The following FANCE variants were observed in gnomAD, a reference collection of about 807,000 sequenced individuals.
The protein encoded by FANCE is Fanconi anemia group E protein.
In FANCE, 42 loss-of-function variants were observed where a neutral mutation model predicts 57.8. That is an observed-to-expected ratio of 0.73 (90% confidence interval 0.57 to 0.94). The LOEUF is 0.94. FANCE is among the 40% of genes least tolerant of loss of function. The pLI is 0.00. For missense variants in FANCE, 608 were observed against 661.8 expected (o/e 0.92, Z 0.89); for synonymous variants, 251 against 286.4 (o/e 0.88, Z 1.25).
In FANCE at chr6:35,455,825, GC is replaced by G. The variant is rs779244938; in HGVS notation, c.329del (p.Pro110ArgfsTer16). ...TGCTGATGGCCGTTCGGCCATCGCT[GC>G]CGGAAAGTGGGCTCCTCTCTGTGCT... is the stretch of plus-strand genomic sequence containing the variant. ...SLLMAVRPSL[P>X]ESGLLSVLQI... On this transcript the variant is annotated frameshift_variant, in exon 2 of 10. Transcript: ENST00000229769. LOFTEE classifies it high-confidence loss of function. The G allele has an allele frequency of 6.2e-7, 1 of 1,614,176 alleles. No homozygotes were observed. Among genetic ancestry groups the G allele is most frequent in the South Asian group, 1.1e-5 (1 of 91,090 alleles).
In FANCE at chr6:35,457,943, C is replaced by G. The variant is rs372788363; in HGVS notation, c.928C>G (p.Pro310Ala). ...GTTAGAGGGATTGGAGGATGCCCCC[C>G]CAGTTGAGCTACAGCTTCTTCACGA... ...EGLEGLEDAP[P>A]VELQLLHECS... Residue 310 changes from proline to alanine, a missense_variant, in exon 4 of 10, where the codon CCA (proline) becomes GCA (alanine). Transcript: ENST00000229769. The G allele has an allele frequency of 2.5e-5, 40 of 1,614,040 alleles. No homozygotes were observed. The highest frequency in any genetic ancestry group is 1.6e-4 in the Middle Eastern group (1 of 6,082).
Position 35,452,427 on chromosome 6 carries a change from C to T in FANCE, c.-119C>T. ...AACGCCGAGGAGAGCTTGTAACAGG[C>T]GCTGGAGCTGGCCCGCCACCGCCGC... On this transcript the variant is annotated 5_prime_UTR_variant, in exon 1 of 10. Coordinates refer to ENST00000229769, the MANE Select transcript of FANCE (RefSeq NM_021922.3). 1 of 1,053,458 alleles carries T rather than the reference C, an allele frequency of 9.5e-7. No homozygotes were observed. The highest frequency in any genetic ancestry group is 4.9e-5 in the South Asian group (1 of 20,498). The allele number at this position is 1,053,458 out of a possible 1,614,324, so 65.3% of individuals were successfully genotyped here.
At chr6:35,453,369 G>C (rs899564373) in intron 1 of FANCE, among the ~76,000 whole-genome samples, 1 of 151,792 alleles carries the variant, frequency 6.6e-6, no homozygotes, top group Non-Finnish European at 1.5e-5. Context: ...CAGAGGTGTC[G>C]GCCCTGCCAT....
At chr6:35,462,396 C>G (rs187738958) in intron 8 of FANCE, among the ~76,000 whole-genome samples, 2 of 152,250 alleles carry the variant, frequency 1.3e-5, no homozygotes, top group Admixed American at 1.3e-4. Context: ...CATGAGCCAC[C>G]GTGCCTAGCA....
Position 35,456,048 on chromosome 6 carries a change from C to G in FANCE, c.550C>G (p.Pro184Ala). The change falls in exon 2 of 10, where the codon CCA becomes GCA. Residue 184 changes from proline to alanine, a missense_variant. Coordinates refer to ENST00000229769, the MANE Select transcript of FANCE (RefSeq NM_021922.3). This position sits in a 1 kb window ranked among gnomAD's most constrained non-coding sequence, Gnocchi z 4.3. ...CAGGAGGTTGAAATCCCCCCAGGCTCCAGACCCTGAAGAAGAGGAGAACAG... is the reference window on the plus strand; with the variant it reads ...CAGGAGGTTGAAATCCCCCCAGGCTGCAGACCCTGAAGAAGAGGAGAACAG... ...GGRRLKSPQA[P>A]DPEEEENRDS... 1 of 1,613,184 alleles carries G rather than the reference C, an allele frequency of 6.2e-7. No homozygotes were observed. Among genetic ancestry groups the G allele is most frequent in the South Asian group, 1.1e-5 (1 of 91,064 alleles).
rs200018110 is a variant in FANCE at position 35,466,559 on chromosome 6, TTC to T, written c.*216_*217del. 3 of 561,944 alleles carry T rather than the reference TTC, an allele frequency of 5.3e-6. No individual in the cohort carries two copies. Among genetic ancestry groups the T allele is most frequent in the Admixed American group, 3.1e-5 (1 of 32,648 alleles). 34.8% of individuals were successfully genotyped at this position (561,944 alleles called of 1,614,324 possible). Reference sequence around the variant, plus strand: ...TGGGCTAAGGGAGCTCAGCTATATTTTCTTTTTCATTTCTTTTGTTTTTGAGA... The same window carrying T: ...TGGGCTAAGGGAGCTCAGCTATATTTTTTTTCATTTCTTTTGTTTTTGAGA... On this transcript the variant is annotated 3_prime_UTR_variant, in exon 10 of 10. Transcript: ENST00000229769.
intron 7 of FANCE, among the ~76,000 whole-genome samples, chr6:35,460,144 C>T (rs1231402719): frequency 6.6e-6 from 1 of 151,436 alleles, no homozygotes; most frequent in Non-Finnish European, 1.5e-5. Context: ...GGGACGGAGT[C>T]TTGCCCTGTT....
At position 35,461,797 on chromosome 6, in the gene FANCE, A is replaced by G. The variant is rs181536713; in HGVS notation, c.1384-992A>G. On this transcript the variant is annotated intron_variant, in intron 8 of 9. Coordinates refer to ENST00000229769, the MANE Select transcript of FANCE (RefSeq NM_021922.3). ...CGAGTAGCTGGGACTACAGGCGCCC[A>G]CCACCACACCCGGCTAATCTTTTGT... Among the ~76,000 whole-genome samples the G allele has an allele frequency of 7.4e-3, 1,129 of 151,700 alleles. 11 individuals carry two copies. The highest frequency in any genetic ancestry group is 0.026 in the African/African-American group (1,061 of 41,370).
intron 8 of FANCE, among the ~76,000 whole-genome samples, chr6:35,461,162 C>T (rs1419332454): frequency 6.6e-6 from 1 of 152,084 alleles, no homozygotes; most frequent in African/African-American, 2.4e-5. Flanking sequence ...ACCCAAGTAA[C>T]TGGGATTACA....
chr6:35,457,842 C>A, intron 3 of FANCE, 74 bp from the exon 4 acceptor site: 1 of 1,329,998 alleles, frequency 7.5e-7, no homozygotes, highest in Non-Finnish European at 1.1e-6. Flanking sequence ...ACTCCTTCTG[C>A]CACCTGAAGG....
At position 35,452,375 on chromosome 6, in the gene FANCE, C is replaced by G. The variant is rs987975923; in HGVS notation, c.-171C>G. 3.0e-6 allele frequency: 2 copies of G among 674,738 alleles called. No individual in the cohort carries two copies. The highest frequency in any genetic ancestry group is 4.1e-6 in the Non-Finnish European group (2 of 490,806). 41.8% of individuals were successfully genotyped at this position (674,738 alleles called of 1,614,324 possible). ...GACAGCGCGGGAACGGCTGCGGCTT[C>G]GGGCGGCCGGGTTTCTCCGGTCTCC... On this transcript the variant is annotated 5_prime_UTR_variant, in exon 1 of 10. Coordinates refer to ENST00000229769, the MANE Select transcript of FANCE (RefSeq NM_021922.3).
intron 8 of FANCE, among the ~76,000 whole-genome samples, chr6:35,462,562 C>A (rs1446015790): frequency 6.6e-6 from 1 of 152,166 alleles, no homozygotes; most frequent in Non-Finnish European, 1.5e-5. Flanking sequence ...TTTTCTGAGA[C>A]CTGTGTGTCT....
At chr6:35,465,851 A>G (rs1358770383) in intron 9 of FANCE, among the ~76,000 whole-genome samples, 1 of 152,184 alleles carries the variant, frequency 6.6e-6, no homozygotes, top group African/African-American at 2.4e-5. Flanking sequence ...GTGTGATCCA[A>G]AAGGAAGGTA....
Position 35,452,409 on chromosome 6 carries a change from A to G in FANCE, c.-137A>G, listed in dbSNP as rs2150885033. On this transcript the variant is annotated 5_prime_UTR_variant, in exon 1 of 10. Transcript: ENST00000229769. ...GGGTTTCTCCGGTCTCCCAACGCCGAGGAGAGCTTGTAACAGGCGCTGGAG... is the reference window on the plus strand; with the variant it reads ...GGGTTTCTCCGGTCTCCCAACGCCGGGGAGAGCTTGTAACAGGCGCTGGAG... 1.1e-6 allele frequency: 1 copy of G among 950,218 alleles called. No homozygotes were observed. The highest frequency in any genetic ancestry group is 4.5e-5 in the Admixed American group (1 of 22,086). 58.9% of individuals were successfully genotyped at this position (950,218 alleles called of 1,614,324 possible). A position where few individuals can be genotyped will look rare whatever the true frequency, so the allele number is the denominator to read the frequency against.
At position 35,452,681 on chromosome 6, in the gene FANCE, G is replaced by T. The variant is rs1366722396; in HGVS notation, c.136G>T (p.Val46Leu). ...TGAGGGGGCGCGGCGCGGCCTGGGG[G>T]TGCTCCGGGCGCTGGGCAGCCGCGG... ...GPEGARRGLGVLRALGSRGWE... is the reference protein window; with the variant it reads ...GPEGARRGLGLLRALGSRGWE... Residue 46 changes from valine (V) to leucine (L), a missense_variant, in exon 1 of 10, where the codon GTG (valine) becomes TTG (leucine). Physicochemically the swap from Val to Leu is conservative, Grantham distance 32. Transcript: ENST00000229769. The T allele has an allele frequency of 8.1e-7, 1 of 1,240,932 alleles. No homozygotes were observed. Among genetic ancestry groups the T allele is most frequent in the African/African-American group, 1.6e-5 (1 of 64,332 alleles). 76.9% of individuals were successfully genotyped at this position (1,240,932 alleles called of 1,614,324 possible). A position where few individuals can be genotyped will look rare whatever the true frequency, so the allele number is the denominator to read the frequency against.
Position 35,452,796 on chromosome 6 carries a change from A to G in FANCE, c.248+3A>G, listed in dbSNP as rs1767164044. 1.5e-6 allele frequency: 2 copies of G among 1,313,208 alleles called. No individual in the cohort carries two copies. Among genetic ancestry groups the G allele is most frequent in the Admixed American group, 3.3e-5 (1 of 30,086 alleles). 81.3% of individuals were successfully genotyped at this position (1,313,208 alleles called of 1,614,324 possible). A position where few individuals can be genotyped will look rare whatever the true frequency, so the allele number is the denominator to read the frequency against. On this transcript the variant is annotated splice_donor_region_variant and intron_variant, in intron 1 of 9. Transcript: ENST00000229769. ...GGGCCTGACGGCCGTCTGGAGCTGT[A>G]AGTCCTCGCCCGCGGCCCCTTAGCA...
In FANCE at chr6:35,466,384, C is replaced by A. The variant is rs1561796966; in HGVS notation, c.*39C>A. On this transcript the variant is annotated 3_prime_UTR_variant, in exon 10 of 10. Transcript: ENST00000229769. ...GACCACCCTCTTGGTGCTCCATCAC[C>A]AGCTTCCTGAAGGGCATTTCTTTCT... 7.8e-7 allele frequency: 1 copy of A among 1,285,604 alleles called. No individual in the cohort carries two copies. Among genetic ancestry groups the A allele is most frequent in the East Asian group, 2.3e-5 (1 of 43,358 alleles). The allele number at this position is 1,285,604 out of a possible 1,614,324, so 79.6% of individuals were successfully genotyped here.
At chr6:35,459,836 C>A in intron 7 of FANCE, 76 bp downstream of exon 7, 1 of 1,339,378 alleles carries the variant, frequency 7.5e-7, no homozygotes. Flanking sequence ...ATGTGTTGGG[C>A]CCTGCAGGGA....
intron 2 of FANCE, 66 bp from the exon 3 acceptor site, chr6:35,457,490 C>A: frequency 6.3e-7 from 1 of 1,580,886 alleles, no homozygotes; most frequent in Non-Finnish European, 8.7e-7. Context: ...TAGGGGGAGC[C>A]AGAACCGGGC....
Sources: allele counts gnomAD v4.1 joint callset (sites outside exome capture counted in the v4.1 genomes callset), GRCh38; gene constraint gnomAD v4.1.1; non-coding constraint Gnocchi (gnomAD v3.1); transcripts MANE v1.5; gene names NCBI Gene and HGNC (gene_info 2026-07-23, HGNC 2026-07-21).